The following IRAG1 variants were observed in gnomAD, a reference collection of about 807,000 sequenced individuals.
IRAG1 encodes the protein IP3R-associated cGMP kinase substrate.
Under a neutral mutation model 106.2 loss-of-function variants are expected in IRAG1, and 62 were observed. The observed-to-expected ratio is 0.58, with a 90% CI of 0.48 to 0.72. The LOEUF is 0.72. Ranked by LOEUF, IRAG1 falls within the 30% of genes least tolerant of loss-of-function variation. The probability of loss-of-function intolerance (pLI) is 0.00; values close to 1 mark genes in which losing one functional copy is unlikely to be tolerated. For synonymous variants in IRAG1, 462 were observed against 443.9 expected (o/e 1.04, Z -0.51); for missense variants, 1,064 against 1,140.7 (o/e 0.93, Z 0.97).
At chr11:10,588,657 T>C (rs140814236) in intron 18 of IRAG1, among the ~76,000 whole-genome samples, 1 of 152,314 alleles carries the variant, frequency 6.6e-6, no homozygotes, top group East Asian at 1.9e-4. Flanking sequence ...CCAAGGGGAA[T>C]CATTTTCTAA....
intron 2 of IRAG1, among the ~76,000 whole-genome samples, chr11:10,638,038 A>G (rs775244170): frequency 6.6e-6 from 1 of 152,246 alleles, no homozygotes; most frequent in Non-Finnish European, 1.5e-5. Flanking sequence ...AGCAAAAGGC[A>G]TTACTGGGAA....
At chr11:10,587,024 CTG>C (rs1165680772) in intron 18 of IRAG1, among the ~76,000 whole-genome samples, 1 of 152,196 alleles carries the variant, frequency 6.6e-6, no homozygotes, top group Non-Finnish European at 1.5e-5. Flanking sequence ...TGGCTATAAA[CTG>C]GAGCTGAGCA....
At chr11:10,654,933 C>A (rs564972714) in intron 1 of IRAG1, among the ~76,000 whole-genome samples, 1 of 152,188 alleles carries the variant, frequency 6.6e-6, no homozygotes, top group Non-Finnish European at 1.5e-5. Context: ...ATGCCAAATT[C>A]TTACTGTATG....
chr11:10,622,876 GACAC>G (rs10525799), intron 10 of IRAG1, among the ~76,000 whole-genome samples: 8 of 141,476 alleles, frequency 5.7e-5, no homozygotes, highest in East Asian at 4.4e-4. Context: ...GTAAGCAGTG[GACAC>G]ACACACACAC....
intron 11 of IRAG1, 74 bp downstream of exon 11, chr11:10,609,654 T>C: frequency 2.6e-6 from 4 of 1,531,794 alleles, no homozygotes; most frequent in Non-Finnish European, 8.8e-7. Flanking sequence ...CTGGTGTTCC[T>C]CTGTGTCCCA....
chr11:10,611,119 T>C (rs1055748094), intron 10 of IRAG1, among the ~76,000 whole-genome samples: 1 of 152,202 alleles, frequency 6.6e-6, no homozygotes, highest in Admixed American at 6.5e-5. Context: ...GTTTAAATAC[T>C]TTGAGCTTGC....
intron 1 of IRAG1, among the ~76,000 whole-genome samples, chr11:10,664,515 C>T (rs931093935): frequency 1.1e-4 from 16 of 152,180 alleles, no homozygotes; most frequent in African/African-American, 3.6e-4. Flanking sequence ...CCATTCAGGC[C>T]TCAGTCTCTC....
At chr11:10,669,562 T>G (rs1217115820) in intron 1 of IRAG1, among the ~76,000 whole-genome samples, 1 of 152,206 alleles carries the variant, frequency 6.6e-6, no homozygotes. Context: ...AAGTAGATCT[T>G]CAGAAGATAA....
intron 2 of IRAG1, among the ~76,000 whole-genome samples, chr11:10,640,953 G>A (rs1857465724): frequency 6.6e-6 from 1 of 152,230 alleles, no homozygotes; most frequent in South Asian, 2.1e-4. Context: ...TCTGGATAAA[G>A]CACAGGATGC....
chr11:10,608,633 T>C (rs1405521631), intron 11 of IRAG1, among the ~76,000 whole-genome samples: 1 of 152,234 alleles, frequency 6.6e-6, no homozygotes, highest in African/African-American at 2.4e-5. Flanking sequence ...TGACTATTTG[T>C]ATATCTTCTC....
At chr11:10,604,350 G>A in intron 13 of IRAG1, 55 bp downstream of exon 13, 2 of 1,605,986 alleles carry the variant, frequency 1.2e-6, no homozygotes, top group Non-Finnish European at 1.7e-6. Flanking sequence ...ACCCTGTATG[G>A]CCCTTGGGGA....
At chr11:10,670,252 T>G (rs569240616) in intron 1 of IRAG1, among the ~76,000 whole-genome samples, 1 of 152,254 alleles carries the variant, frequency 6.6e-6, no homozygotes, top group African/African-American at 2.4e-5. Context: ...GTCACCGTAC[T>G]GTTTACACAA....
intron 10 of IRAG1, 52 bp downstream of exon 10, chr11:10,623,726 G>A: frequency 6.6e-7 from 1 of 1,523,726 alleles, no homozygotes; most frequent in African/African-American, 1.4e-5. Flanking sequence ...CCTTGATCTG[G>A]CACAGACAAA....
At chr11:10,681,393 C>T (rs1010664364) in intron 1 of IRAG1, among the ~76,000 whole-genome samples, 1 of 152,150 alleles carries the variant, frequency 6.6e-6, no homozygotes, top group Non-Finnish European at 1.5e-5. Flanking sequence ...TTTAAAAATA[C>T]AACCTTCCAT....
rs1862218793 is a variant in IRAG1, at chr11:10,693,442, C to G, written c.67+94G>C. The G allele has an allele frequency of 2.7e-6, 4 of 1,496,398 alleles. No individual in the cohort carries two copies. The African/African-American group carries it at 5.6e-5, about 21-fold the overall frequency. The allele number at this position is 1,496,398 out of a possible 1,614,324, so 92.7% of individuals were successfully genotyped here. A position where few individuals can be genotyped will look rare whatever the true frequency, so the allele number is the denominator to read the frequency against. On this transcript the variant is annotated intron_variant, in intron 1 of 20. Coordinates refer to ENST00000423302, the MANE Select transcript of IRAG1 (RefSeq NM_130385.4). ...CCCTGGAAAGTTAAAGTTTAGCACC[C>G]CCATCCCAGCACCCTGTACCTTTAA...
At chr11:10,601,867 T>C (rs1003704846) in intron 14 of IRAG1, among the ~76,000 whole-genome samples, 1 of 152,070 alleles carries the variant, frequency 6.6e-6, no homozygotes, top group Non-Finnish European at 1.5e-5. Flanking sequence ...GACTGAGACA[T>C]AGCAGCCAAG....
At chr11:10,637,447 GTAT>G (rs1335386177) in intron 2 of IRAG1, among the ~76,000 whole-genome samples, 2 of 152,178 alleles carry the variant, frequency 1.3e-5, no homozygotes, top group Admixed American at 1.3e-4. Flanking sequence ...TCTCTGGATA[GTAT>G]GCCTTGATGG....
At chr11:10,681,881 CT>C (rs1861287297) in intron 1 of IRAG1, among the ~76,000 whole-genome samples, 2 of 152,168 alleles carry the variant, frequency 1.3e-5, no homozygotes, top group African/African-American at 4.8e-5. Flanking sequence ...CCCTTAATAC[CT>C]TTCTATAAAA....
rs1589943207 is a variant in IRAG1 at position 10,664,286 on chromosome 11, GTCCC to G, written c.68-12108_68-12105del. ...GCTGGGATGGAGCACCCCAGCTCAG[GTCCC>G]CGCCTCCTGTTCATCTCCACTCTGG... On this transcript the variant is annotated intron_variant, in intron 1 of 20. Transcript: ENST00000423302. Among the ~76,000 whole-genome samples the G allele has an allele frequency of 2.0e-5, 3 of 152,230 alleles. No homozygotes were observed. The East Asian group carries it at 5.8e-4, about 29-fold the overall frequency.
Sources: gnomAD v4.1 joint callset for allele counts (sites outside exome capture counted in the v4.1 genomes callset) on GRCh38, gnomAD v4.1.1 for gene constraint, MANE v1.5 for transcripts, NCBI Gene and HGNC (gene_info 2026-07-23, HGNC 2026-07-21) for gene names.